Variants in TCF12 observed in about 807,000 individuals in gnomAD.
TCF12 encodes transcription factor 12, also known as DNA-binding protein HTF4.
Under a neutral mutation model 86.0 loss-of-function variants are expected in TCF12, and 45 were observed. The ratio of observed to expected loss-of-function variants is 0.52; its 90% CI spans 0.41 to 0.67. The LOEUF is 0.67. TCF12 is among the 30% of genes least tolerant of loss of function. The probability of loss-of-function intolerance (pLI) is 0.00; values close to 1 mark genes in which losing one functional copy is unlikely to be tolerated. For synonymous variants in TCF12, 330 were observed against 299.6 expected, an observed-to-expected ratio of 1.10 and a Z score of -1.05; for missense variants, 881 against 859.9, an observed-to-expected ratio of 1.02 and a Z score of -0.31.
chr15:56,932,575 T>C (rs911769567), intron 3 of TCF12, among the ~76,000 whole-genome samples: 13 of 152,110 alleles, frequency 8.5e-5, no homozygotes, highest in African/African-American at 3.1e-4. Context: ...ATTATTATTA[T>C]TATTATTTTG....
At chr15:57,072,656 C>T (rs1011074047) in intron 4 of TCF12, 5 of 1,302,376 alleles carry the variant, frequency 3.8e-6, no homozygotes, top group African/African-American at 1.5e-5. Context: ...ATCTCAGGTA[C>T]AATACACGAG....
chr15:57,264,069 AC>A (rs2060717543), intron 18 of TCF12, among the ~76,000 whole-genome samples: 6 of 151,934 alleles, frequency 3.9e-5, no homozygotes, highest in Non-Finnish European at 7.4e-5. Flanking sequence ...ACCTTAGCTT[AC>A]TGTATGTCAT....
intron 13 of TCF12, chr15:57,247,355 C>G (rs2059912610): frequency 3.0e-6 from 2 of 658,052 alleles, no homozygotes; most frequent in African/African-American, 1.8e-5. Flanking sequence ...AAAACTACCT[C>G]TACCACCTCC....
At chr15:57,146,924 G>T (rs1190650323) in intron 5 of TCF12, among the ~76,000 whole-genome samples, 5 of 152,178 alleles carry the variant, frequency 3.3e-5, no homozygotes, top group Non-Finnish European at 7.3e-5. Flanking sequence ...GAAATATAGT[G>T]CCTCTGTTAG....
intron 8 of TCF12, among the ~76,000 whole-genome samples, chr15:57,221,324 T>C (rs1264186289): frequency 6.6e-6 from 1 of 151,994 alleles, no homozygotes; most frequent in African/African-American, 2.4e-5. Context: ...AAAATAATTT[T>C]CTTTTGTGTC....
chr15:56,949,116 T>C (rs8034712), intron 3 of TCF12, among the ~76,000 whole-genome samples: 3,365 of 152,342 alleles, frequency 0.022, 118 homozygotes, highest in African/African-American at 0.076. Flanking sequence ...GGATTTTGTC[T>C]TGATTACATT....
At chr15:56,960,430 ATTTT>A (rs5812861) in intron 3 of TCF12, among the ~76,000 whole-genome samples, 1 of 128,596 alleles carries the variant, frequency 7.8e-6, no homozygotes. Flanking sequence ...ACTGTATTGT[ATTTT>A]TTTTTTTTTT....
intron 3 of TCF12, among the ~76,000 whole-genome samples, chr15:56,948,288 G>A (rs1003386811): frequency 6.6e-6 from 1 of 151,308 alleles, no homozygotes; most frequent in African/African-American, 2.4e-5. Flanking sequence ...TGATGGTGCA[G>A]TGTACAATGT....
chr15:56,950,154 C>T (rs1165606903), intron 3 of TCF12, among the ~76,000 whole-genome samples: 1 of 152,206 alleles, frequency 6.6e-6, no homozygotes, highest in Admixed American at 6.5e-5. Context: ...ACTCCCATCC[C>T]TACTCCCACA....
chr15:57,221,383 GGT>G (rs144351636), intron 8 of TCF12, among the ~76,000 whole-genome samples: 28,323 of 148,610 alleles, frequency 0.19, 2,985 homozygotes, highest in Non-Finnish European at 0.24. Context: ...ATGTGTGTGG[GGT>G]GTGTGTGTGT....
At chr15:57,008,569 A>C (rs114343670) in intron 3 of TCF12, among the ~76,000 whole-genome samples, 1 of 152,168 alleles carries the variant, frequency 6.6e-6, no homozygotes, top group Non-Finnish European at 1.5e-5. Flanking sequence ...ATCATGATTA[A>C]TGAATGCTTA....
chr15:57,042,056 T>C (rs2066927569), intron 3 of TCF12, among the ~76,000 whole-genome samples: 1 of 152,222 alleles, frequency 6.6e-6, no homozygotes, highest in South Asian at 2.1e-4. Context: ...TTCTAGCCAT[T>C]GCCTGCATGC....
At chr15:56,995,316 T>C (rs1158135250) in intron 3 of TCF12, among the ~76,000 whole-genome samples, 1 of 139,738 alleles carries the variant, frequency 7.2e-6, no homozygotes, top group Non-Finnish European at 1.5e-5. Context: ...AATTTTAGAA[T>C]AGTTTTTTTC....
At chr15:57,084,111 C>T (rs1464879024) in intron 4 of TCF12, among the ~76,000 whole-genome samples, 1 of 151,722 alleles carries the variant, frequency 6.6e-6, no homozygotes, top group Non-Finnish European at 1.5e-5. Flanking sequence ...TTATATTGTA[C>T]CTTATGTTTG....
intron 3 of TCF12, among the ~76,000 whole-genome samples, chr15:56,984,092 C>T (rs191014092): frequency 6.8e-6 from 1 of 146,550 alleles, no homozygotes; most frequent in East Asian, 2.0e-4. Flanking sequence ...AGAACCTATT[C>T]TTGTGAAGAG....
chr15:57,001,135 G>A (rs1456442662), intron 3 of TCF12, among the ~76,000 whole-genome samples: 3 of 150,466 alleles, frequency 2.0e-5, no homozygotes, highest in Non-Finnish European at 4.4e-5. Flanking sequence ...TCCTATCTCA[G>A]CCTGCTGAGT....
intron 6 of TCF12, among the ~76,000 whole-genome samples, chr15:57,179,367 A>G (rs1206534723): frequency 6.6e-6 from 1 of 152,134 alleles, no homozygotes; most frequent in Non-Finnish European, 1.5e-5. Flanking sequence ...GTGCACCTGT[A>G]GTCCCAGCTA....
chr15:57,205,432 A>G (rs1472765456), intron 8 of TCF12, among the ~76,000 whole-genome samples: 1 of 152,256 alleles, frequency 6.6e-6, no homozygotes, highest in Non-Finnish European at 1.5e-5. Context: ...TAAACCCTCC[A>G]GATCTTGAAC....
chr15:57,103,529 C>T (rs906824157), intron 5 of TCF12, among the ~76,000 whole-genome samples: 6 of 152,132 alleles, frequency 3.9e-5, no homozygotes, highest in Admixed American at 2.6e-4. Flanking sequence ...CAGTCCCAAA[C>T]GCACTTATGA....
Sources: allele counts gnomAD v4.1 joint callset (sites outside exome capture counted in the v4.1 genomes callset), GRCh38; gene constraint gnomAD v4.1.1; transcripts MANE v1.5; gene names NCBI Gene and HGNC (gene_info 2026-07-23, HGNC 2026-07-21).